CLVS1: variants seen among roughly 807,000 people sequenced by gnomAD.
CLVS1 encodes clavesin 1.
CLVS1 carries 10 observed loss-of-function variants against 33.1 expected under a neutral mutation model. The observed-to-expected ratio is 0.30, with a 90% CI of 0.19 to 0.51. The LOEUF (loss-of-function observed/expected upper bound fraction) is 0.51, where lower values mean the gene tolerates loss of function less well. Among genes scored for constraint, CLVS1 ranks in the 20% least tolerant of loss-of-function variants. The pLI is 0.97. For missense variants in CLVS1, 343 were observed against 433.4 expected (o/e 0.79, Z 1.85); for synonymous variants, 163 against 166.1 (o/e 0.98, Z 0.14).
chr8:61,331,855 T>C (rs1466805339), intron 2 of CLVS1, among the ~76,000 whole-genome samples: 3 of 149,636 alleles, frequency 2.0e-5, no homozygotes, highest in Non-Finnish European at 4.4e-5. Context: ...TCCTCCTTCT[T>C]CTTCTCCTTC....
chr8:61,206,746 G>A (rs990228869), intron 2 of CLVS1, among the ~76,000 whole-genome samples: 15 of 151,736 alleles, frequency 9.9e-5, no homozygotes, highest in Admixed American at 2.6e-4. Flanking sequence ...CTGCCACCAC[G>A]CCCAGCTAAT....
At chr8:61,232,041 T>TTTGTG (rs1554548396) in intron 2 of CLVS1, among the ~76,000 whole-genome samples, 1 of 116,004 alleles carries the variant, frequency 8.6e-6, no homozygotes, top group Non-Finnish European at 1.6e-5. Context: ...TTTTTTTTTT[T>TTTGTG]TTTTTTTTTG....
chr8:61,174,252 A>G (rs1302095539), intron 2 of CLVS1, among the ~76,000 whole-genome samples: 5 of 152,176 alleles, frequency 3.3e-5, no homozygotes, highest in African/African-American at 7.2e-5. Context: ...ATCAATGAAA[A>G]CTGTCTGCAA....
At chr8:61,189,176 T>C (rs1585674470) in intron 2 of CLVS1, among the ~76,000 whole-genome samples, 2 of 152,152 alleles carry the variant, frequency 1.3e-5, no homozygotes, top group African/African-American at 2.4e-5. Context: ...GTGGATCACT[T>C]GGCAGAAACT....
intron 2 of CLVS1, among the ~76,000 whole-genome samples, chr8:61,270,210 G>A (rs1385721130): frequency 6.6e-6 from 1 of 152,146 alleles, no homozygotes; most frequent in Non-Finnish European, 1.5e-5. Flanking sequence ...TTTATTGAGA[G>A]TTTTTAGCAT....
rs114694127 is a variant in CLVS1, at chr8:61,094,692, G to A, written c.-242-37078G>A. ...ACTTGACTGGCGTCCTTGTAGATTA[G>A]GACACAGACACACAAACCAAGGGAA... On this transcript the variant is annotated intron_variant, in intron 1 of 2. Coordinates refer to the CLVS1 transcript ENST00000522621. 7.3e-3 allele frequency among the ~76,000 whole-genome samples: 1,118 copies of A among 152,238 alleles called. 9 individuals are homozygous for A. Among genetic ancestry groups the A allele is most frequent in the African/African-American group, 0.025 (1,054 of 41,508 alleles).
At chr8:60,971,071 C>CTTTTTT in the CLVS1 span, among the ~76,000 whole-genome samples, 35 of 91,072 alleles carry the variant, frequency 3.8e-4, no homozygotes, top group African/African-American at 5.5e-4. Context: ...ATGACTTTTC[C>CTTTTTT]TTTTTTTTTT....
At chr8:61,484,785 T>G (rs1220091083) in intron 5 of CLVS1, among the ~76,000 whole-genome samples, 1 of 152,096 alleles carries the variant, frequency 6.6e-6, no homozygotes, top group Non-Finnish European at 1.5e-5. Flanking sequence ...TTGGAAATAA[T>G]ACCACACATC....
At chr8:60,978,263 A>G in the CLVS1 span, among the ~76,000 whole-genome samples, 1 of 152,242 alleles carries the variant, frequency 6.6e-6, no homozygotes, top group Non-Finnish European at 1.5e-5. Context: ...GAAGTCCAAC[A>G]TCATGCTTTT....
Position 61,299,719 on chromosome 8 carries a change from A to G in CLVS1, c.-109A>G, listed in dbSNP as rs1810359533. 7 of 757,644 alleles carry G rather than the reference A, an allele frequency of 9.2e-6. No homozygotes were observed. Among genetic ancestry groups the G allele is most frequent in the Non-Finnish European group, 1.3e-5 (6 of 470,604 alleles). 46.9% of individuals were successfully genotyped at this position (757,644 alleles called of 1,614,324 possible). On this transcript the variant is annotated 5_prime_UTR_variant, in exon 2 of 6. Coordinates refer to ENST00000325897, the MANE Select transcript of CLVS1 (RefSeq NM_173519.3). ...TTTGCTTCTGTTTTGGATGAACACC[A>G]CCACATAGGGCCTGAATGTGAAAGA... is the stretch of plus-strand genomic sequence containing the variant.
the CLVS1 span, among the ~76,000 whole-genome samples, chr8:61,041,242 G>C: frequency 6.6e-6 from 1 of 152,044 alleles, no homozygotes; most frequent in Non-Finnish European, 1.5e-5. Flanking sequence ...TAGCCTTATA[G>C]TATAATTTCA....
At chr8:61,059,475 CATATATATATATAT>C (rs56322834) in intron 1 of CLVS1, among the ~76,000 whole-genome samples, 13 of 50,214 alleles carry the variant, frequency 2.6e-4, no homozygotes, top group Non-Finnish European at 3.6e-4. Flanking sequence ...TACATACATA[CATATATATATATAT>C]ATATATATAT....
chr8:61,410,066 G>GTTTT (rs201195565), intron 3 of CLVS1, among the ~76,000 whole-genome samples: 62 of 106,902 alleles, frequency 5.8e-4, no homozygotes, highest in Middle Eastern at 5.6e-3. Context: ...ACTTGCAGAG[G>GTTTT]TTTTTTTTTT....
rs146100118 is a variant in CLVS1, at chr8:61,299,944, C to G, written c.117C>G (p.Arg39=). ...GLSPETIEKA[R]LELNENPDVL... ...GTCCAGAGACTATAGAGAAAGCTCG[C>G]CTGGAACTGAATGAAAACCCCGATG... Residue 39 remains arginine (R), a synonymous_variant, in exon 2 of 6, where the codon CGC becomes CGG. Transcript: ENST00000325897. 3.0e-4 allele frequency: 488 copies of G among 1,613,978 alleles called. 1 individual carries two copies. In the African/African-American group the frequency reaches 5.0e-3, roughly 17 times the overall value.
intron 2 of CLVS1, among the ~76,000 whole-genome samples, chr8:61,249,089 A>T (rs748933594): frequency 1.3e-5 from 2 of 151,852 alleles, no homozygotes; most frequent in Non-Finnish European, 2.9e-5. Flanking sequence ...GACAGGCCCC[A>T]GTGTGTGATG....
the CLVS1 span, among the ~76,000 whole-genome samples, chr8:61,028,998 C>T: frequency 6.6e-6 from 1 of 152,186 alleles, no homozygotes; most frequent in Non-Finnish European, 1.5e-5. Flanking sequence ...ATCTGTAAAT[C>T]CCCAGCCTAG....
At chr8:61,090,248 A>G (rs781340777) in intron 1 of CLVS1, among the ~76,000 whole-genome samples, 1 of 152,222 alleles carries the variant, frequency 6.6e-6, no homozygotes, top group Non-Finnish European at 1.5e-5. Context: ...AGAACTTTGA[A>G]TGATTGTGTT....
chr8:61,467,643 CCCA>C (rs1563566427), intron 5 of CLVS1, among the ~76,000 whole-genome samples: 1 of 151,974 alleles, frequency 6.6e-6, no homozygotes, highest in Non-Finnish European at 1.5e-5. Context: ...ACTGTATATC[CCCA>C]CCATACAGGA....
chr8:61,311,326 T>C (rs751376752), intron 2 of CLVS1, among the ~76,000 whole-genome samples: 6 of 152,344 alleles, frequency 3.9e-5, no homozygotes, highest in Non-Finnish European at 8.8e-5. Context: ...CCCTTCTCCC[T>C]CTAACAATCT....
Sources: gnomAD v4.1 joint callset for allele counts (sites outside exome capture counted in the v4.1 genomes callset) on GRCh38, gnomAD v4.1.1 for gene constraint, MANE v1.5 for transcripts, NCBI Gene and HGNC (gene_info 2026-07-23, HGNC 2026-07-21) for gene names.